MYT1L: variants seen among roughly 807,000 people sequenced by gnomAD.
MYT1L encodes myelin transcription factor 1 like, also known as myelin transcription factor 1-like protein.
Under a neutral mutation model 126.7 loss-of-function variants are expected in MYT1L, and 12 were observed. That is an observed-to-expected ratio of 0.09 (90% CI 0.06 to 0.15). MYT1L has a LOEUF of 0.15. Among genes scored for constraint, MYT1L ranks in the 10% least tolerant of loss-of-function variants. The pLI is 1.00. For synonymous variants in MYT1L, 541 were observed against 604.2 expected, an observed-to-expected ratio of 0.90 and a Z score of 1.53; for missense variants, 979 against 1,585.2, an observed-to-expected ratio of 0.62 and a Z score of 6.49.
intron 21 of MYT1L, among the ~76,000 whole-genome samples, chr2:1,821,353 T>A (rs913179220): frequency 6.6e-6 from 1 of 152,176 alleles, no homozygotes; most frequent in Non-Finnish European, 1.5e-5. Flanking sequence ...CTCATCTCTT[T>A]ATAATTTATG....
chr2:2,178,508 G>A (rs936228835), intron 2 of MYT1L, among the ~76,000 whole-genome samples: 3 of 152,170 alleles, frequency 2.0e-5, no homozygotes, highest in East Asian at 1.9e-4. Flanking sequence ...GATTGGTGCC[G>A]TGTCAGAACA....
At chr2:2,116,110 A>G (rs2080181587) in intron 3 of MYT1L, among the ~76,000 whole-genome samples, 1 of 152,262 alleles carries the variant, frequency 6.6e-6, no homozygotes, top group Non-Finnish European at 1.5e-5. Flanking sequence ...TCGATGTTCA[A>G]TGAACACGTT....
intron 4 of MYT1L, among the ~76,000 whole-genome samples, chr2:2,006,568 CTTTTAT>C (rs1487390004): frequency 2.6e-5 from 4 of 151,902 alleles, no homozygotes; most frequent in Admixed American, 2.6e-4. Flanking sequence ...TGTATTTGAG[CTTTTAT>C]TTTTAATTTT....
rs1342289278 is a variant in MYT1L at position 1,809,058 on chromosome 2, G to A, written c.3172+18C>T. 6.2e-7 allele frequency: 1 copy of A among 1,612,922 alleles called. No individual in the cohort carries two copies. Among genetic ancestry groups the A allele is most frequent in the Non-Finnish European group, 8.5e-7 (1 of 1,179,152 alleles). ...CCTTCCTGACCATGGGTGCCACGAG[G>A]GCTGGAGGGGTGCTCACCGTTGCTG... On this transcript the variant is annotated intron_variant, in intron 22 of 24. Transcript: ENST00000647738.
At chr2:2,205,886 C>A (rs904806336) in intron 2 of MYT1L, among the ~76,000 whole-genome samples, 2 of 152,180 alleles carry the variant, frequency 1.3e-5, no homozygotes, top group African/African-American at 4.8e-5. Flanking sequence ...AGTATCAGCT[C>A]CTTTGTTCTC....
intron 21 of MYT1L, among the ~76,000 whole-genome samples, chr2:1,817,918 C>T (rs1467550575): frequency 6.6e-6 from 1 of 152,352 alleles, no homozygotes; most frequent in African/African-American, 2.4e-5. Flanking sequence ...TTGGAAGTCA[C>T]CAAGTTTCAG....
intron 3 of MYT1L, among the ~76,000 whole-genome samples, chr2:2,091,110 CA>C (rs1262510822): frequency 2.0e-4 from 31 of 152,290 alleles, no homozygotes; most frequent in Admixed American, 1.5e-3. Context: ...CATGAATCAC[CA>C]ATTGTGAATT....
At chr2:2,054,888 A>G (rs907041665) in intron 3 of MYT1L, among the ~76,000 whole-genome samples, 3 of 151,922 alleles carry the variant, frequency 2.0e-5, no homozygotes, top group African/African-American at 7.3e-5. Context: ...GATGAGACAC[A>G]TGGAGATGGT....
At position 1,801,441 on chromosome 2, in the gene MYT1L, A is replaced by G. The variant is rs1210723560; in HGVS notation, c.3276+255T>C. 8.0e-6 allele frequency: 3 copies of G among 374,108 alleles called. No homozygotes were observed. The highest frequency in any genetic ancestry group is 2.1e-5 in the African/African-American group (1 of 47,952). 23.2% of individuals were successfully genotyped at this position (374,108 alleles called of 1,614,324 possible). The stretch of plus-strand genomic sequence containing the variant: ...AACAGGCGATCCTCTGAAAATGCCT[A>G]TTCACAAATGCACTTTATTAAAAAA... On this transcript the variant is annotated intron_variant, in intron 23 of 24. Transcript: ENST00000647738. The surrounding 1 kb of genome is among the most constrained non-coding windows in gnomAD (Gnocchi z 4.2).
intron 2 of MYT1L, among the ~76,000 whole-genome samples, chr2:2,282,921 A>G (rs1012269317): frequency 1.3e-5 from 2 of 152,196 alleles, no homozygotes; most frequent in Non-Finnish European, 2.9e-5. Context: ...CTAAAAATAG[A>G]AAAATTAGCC....
intron 14 of MYT1L, among the ~76,000 whole-genome samples, chr2:1,900,232 G>A (rs1194633119): frequency 4.6e-5 from 7 of 152,020 alleles, no homozygotes; most frequent in Non-Finnish European, 8.8e-5. Flanking sequence ...AGTGGGGCCA[G>A]ATCTCCTTGG....
chr2:1,889,382 C>T lies in MYT1L; in HGVS notation c.2379G>A (p.Leu793=). 1 of 1,613,964 alleles carries T rather than the reference C, an allele frequency of 6.2e-7. No homozygotes were observed. Among genetic ancestry groups the T allele is most frequent in the Non-Finnish European group, 8.5e-7 (1 of 1,179,882 alleles). Residue 793 remains leucine (L), a synonymous_variant, in exon 16 of 25, where the codon CTG becomes CTA. Coordinates refer to ENST00000647738, the MANE Select transcript of MYT1L (RefSeq NM_001303052.2). This position sits in a 1 kb window ranked among gnomAD's most constrained non-coding sequence, Gnocchi z 4.1. Reference sequence around the variant, plus strand: ...CCTGCTGCTGGGGGGACATGGGCTCCAGAGGGGTCAGGATGGGGCAGCAGC... The same window carrying T: ...CCTGCTGCTGGGGGGACATGGGCTCTAGAGGGGTCAGGATGGGGCAGCAGC... ...RDSCCPILTP[L]EPMSPQQQAV...
intron 3 of MYT1L, among the ~76,000 whole-genome samples, chr2:2,064,033 A>G (rs2070894717): frequency 6.6e-6 from 1 of 152,188 alleles, no homozygotes; most frequent in Non-Finnish European, 1.5e-5. Context: ...GTTGTTTAAT[A>G]CCCATTATTT....
At chr2:1,875,416 T>C (rs879354560) in intron 18 of MYT1L, among the ~76,000 whole-genome samples, 3 of 152,364 alleles carry the variant, frequency 2.0e-5, no homozygotes, top group Admixed American at 2.0e-4. Flanking sequence ...CCAAGAGACA[T>C]GCATACATTT....
Position 2,316,961 on chromosome 2 carries a change from C to T in MYT1L, c.-521+14006G>A, listed in dbSNP as rs530160323. Among the ~76,000 whole-genome samples the T allele has an allele frequency of 9.3e-5, 14 of 151,304 alleles. No individual in the cohort carries two copies. In the East Asian group the frequency reaches 2.3e-3, roughly 25 times the overall value. ...AAGTAGCTGGAACTACAGGCATCCA[C>T]CACCATGCCCAGCCAATTTTTTTTT... On this transcript the variant is annotated intron_variant, in intron 1 of 24. Coordinates refer to ENST00000647738, the MANE Select transcript of MYT1L (RefSeq NM_001303052.2).
At chr2:2,090,925 A>C (rs1377537568) in intron 3 of MYT1L, among the ~76,000 whole-genome samples, 3 of 152,244 alleles carry the variant, frequency 2.0e-5, no homozygotes, top group African/African-American at 7.2e-5. Context: ...ATTGATCATG[A>C]GATTGCAGCA....
At chr2:1,978,969 G>C (rs2060386834) in intron 8 of MYT1L, among the ~76,000 whole-genome samples, 196 bp downstream of exon 8, 1 of 152,078 alleles carries the variant, frequency 6.6e-6, no homozygotes, top group Admixed American at 6.6e-5. Flanking sequence ...CACCTATTCT[G>C]CCCACGAGAT....
At chr2:1,990,534 G>A (rs1048676473) in intron 5 of MYT1L, among the ~76,000 whole-genome samples, 8 of 152,262 alleles carry the variant, frequency 5.3e-5, no homozygotes, top group Admixed American at 1.3e-4. Flanking sequence ...GAAGAGTGGG[G>A]TAAGGAGCTC....
At chr2:2,102,243 C>T (rs2078187855) in intron 3 of MYT1L, among the ~76,000 whole-genome samples, 1 of 152,066 alleles carries the variant, frequency 6.6e-6, no homozygotes, top group Non-Finnish European at 1.5e-5. Context: ...ATAATTGGTG[C>T]TTAATAAATG....
Sources: gnomAD v4.1 joint callset for allele counts (sites outside exome capture counted in the v4.1 genomes callset) on GRCh38, gnomAD v4.1.1 for gene constraint, Gnocchi (gnomAD v3.1) non-coding constraint, MANE v1.5 for transcripts, NCBI Gene and HGNC (gene_info 2026-07-23, HGNC 2026-07-21) for gene names.